The following ADGRG2 variants were observed in gnomAD, a reference collection of about 807,000 sequenced individuals.
The protein encoded by ADGRG2 is G protein-coupled receptor 64.
A neutral mutation model predicts 74.1 loss-of-function variants in ADGRG2; 26 were observed. That is an observed-to-expected ratio of 0.35 (90% CI 0.26 to 0.49). ADGRG2 has a LOEUF of 0.49. Among genes scored for constraint, ADGRG2 ranks in the 20% least tolerant of loss-of-function variants. ADGRG2 has a pLI of 0.99. For missense variants in ADGRG2, 619 were observed against 763.1 expected, an observed-to-expected ratio of 0.81 and a Z score of 2.22; for synonymous variants, 296 against 295.2, an observed-to-expected ratio of 1.00 and a Z score of -0.03.
At chrX:19,010,952 A>T (rs1478599364) in intron 16 of ADGRG2, among the ~76,000 whole-genome samples, 174 bp from the exon 17 acceptor site, 5 of 112,440 alleles carry the variant, frequency 4.4e-5, no homozygotes, top group African/African-American at 1.6e-4. Context: ...GGCCTTTTTC[A>T]TAATAGTCCC....
intron 12 of ADGRG2, among the ~76,000 whole-genome samples, 178 bp from the exon 13 acceptor site, chrX:19,023,631 A>G (rs774122385): frequency 8.9e-6 from 1 of 111,998 alleles, no homozygotes; most frequent in Admixed American, 9.5e-5. Flanking sequence ...CAGGCCATAC[A>G]ATCTCTGTGA....
intron 1 of ADGRG2, among the ~76,000 whole-genome samples, chrX:19,083,073 G>A (rs1452113443): frequency 2.7e-5 from 3 of 111,191 alleles, no homozygotes; most frequent in African/African-American, 6.5e-5. Flanking sequence ...GCATGATCTC[G>A]GCTCACTGCA....
At chrX:19,089,657 C>G (rs1415752364) in intron 1 of ADGRG2, among the ~76,000 whole-genome samples, 1 of 111,431 alleles carries the variant, frequency 9.0e-6, no homozygotes, top group Non-Finnish European at 1.9e-5. Context: ...CTTTAAGGCT[C>G]AAGCCACCAT....
chrX:19,083,336 G>A (rs1435329761), intron 1 of ADGRG2, among the ~76,000 whole-genome samples: 1 of 110,261 alleles, frequency 9.1e-6, no homozygotes, highest in Non-Finnish European at 1.9e-5. Flanking sequence ...ATGTTTTTGT[G>A]GCATGAATTA....
chrX:19,087,326 C>G lies in ADGRG2; in HGVS notation c.-46-4580G>C, dbSNP rs182615446. Among the ~76,000 whole-genome samples, 46 of 112,866 alleles carry G rather than the reference C, an allele frequency of 4.1e-4. 1 individual carries two copies. The highest frequency in any genetic ancestry group is 1.0e-3 in the African/African-American group (32 of 31,178). ...GCTCTGTACGGTTGTGCAGGTTGTG[C>G]CCTGCACAAAGGCTCACGGCCAAGG... On this transcript the variant is annotated intron_variant, in intron 1 of 28. Coordinates refer to ENST00000379869, the MANE Select transcript of ADGRG2 (RefSeq NM_001079858.3).
intron 2 of ADGRG2, among the ~76,000 whole-genome samples, chrX:19,080,371 A>G (rs750801662): frequency 2.7e-5 from 3 of 110,937 alleles, no homozygotes; most frequent in East Asian, 5.7e-4. Flanking sequence ...TCTGCCCCCA[A>G]TGCTTGCAGT....
chrX:19,086,041 T>A (rs2061930146), intron 1 of ADGRG2, among the ~76,000 whole-genome samples: 1 of 111,616 alleles, frequency 9.0e-6, no homozygotes, highest in African/African-American at 3.3e-5. Context: ...AAAGCAATGA[T>A]GCAAAAATGC....
At chrX:19,022,842 G>A (rs5909102) in intron 13 of ADGRG2, among the ~76,000 whole-genome samples, 3,341 of 111,303 alleles carry the variant, frequency 0.03, 61 homozygotes, top group Non-Finnish European at 0.047. Flanking sequence ...GATTACAAGA[G>A]CCCGCCACCA....
rs2060053755 is a variant in ADGRG2, at chrX:18,998,225, G to A, written c.2614+771C>T. Among the ~76,000 whole-genome samples the A allele has an allele frequency of 2.7e-5, 3 of 111,672 alleles. No homozygotes were observed. In the Admixed American group the frequency reaches 2.9e-4, roughly 11 times the overall value. On this transcript the variant is annotated intron_variant, in intron 26 of 28. Transcript: ENST00000379869. The stretch of plus-strand genomic sequence containing the variant: ...GTCTGTTGCCTTCCCATTTCTCATT[G>A]TCTCCAAATCGCTGACCTAGGAGGG...
chrX:19,032,393 T>G (rs2060843512), intron 8 of ADGRG2: 1 of 111,927 alleles, frequency 8.9e-6, no homozygotes, highest in African/African-American at 3.2e-5. Context: ...TATGCAAATA[T>G]AGAATTTATA....
At chrX:19,052,610 GT>G (rs2061342150) in intron 3 of ADGRG2, among the ~76,000 whole-genome samples, 2 of 107,636 alleles carry the variant, frequency 1.9e-5, no homozygotes, top group Non-Finnish European at 3.8e-5. Context: ...ATATACATAT[GT>G]TTTTATGTCT....
chrX:19,108,328 C>T lies in ADGRG2; in HGVS notation c.-47+14114G>A, dbSNP rs538211088. Among the ~76,000 whole-genome samples, 20 of 110,241 alleles carry T rather than the reference C, an allele frequency of 1.8e-4. 1 individual carries two copies. The South Asian group carries it at 7.3e-3, about 40-fold the overall frequency. ...ATGGATACAGATGTGTGAGTTATGTCCAAAGGTGGCTACTAATCCTAATTG... is the reference window on the plus strand; with the variant it reads ...ATGGATACAGATGTGTGAGTTATGTTCAAAGGTGGCTACTAATCCTAATTG... On this transcript the variant is annotated intron_variant, in intron 1 of 28. Coordinates refer to ENST00000379869, the MANE Select transcript of ADGRG2 (RefSeq NM_001079858.3).
intron 19 of ADGRG2, 50 bp downstream of exon 19, chrX:19,007,930 C>G: frequency 1.9e-6 from 2 of 1,071,981 alleles, no homozygotes; most frequent in Non-Finnish European, 2.5e-6. Flanking sequence ...AATGAAATGC[C>G]CTCATCTCCA....
At chrX:19,064,126 C>T (rs1471139603) in intron 3 of ADGRG2, among the ~76,000 whole-genome samples, 1 of 111,808 alleles carries the variant, frequency 8.9e-6, no homozygotes, top group African/African-American at 3.3e-5. Context: ...GCCAAGCACA[C>T]TCCCATGGAC....
rs756376191 is a variant in ADGRG2, at chrX:19,021,185, T to C, written c.562A>G (p.Thr188Ala). 3 of 1,001,622 alleles carry C rather than the reference T, an allele frequency of 3.0e-6. No homozygotes were observed. Among genetic ancestry groups the C allele is most frequent in the Non-Finnish European group, 4.3e-6 (3 of 705,275 alleles). The allele number at this position is 1,001,622 out of a possible 1,213,427, so 82.5% of individuals were successfully genotyped here. ...TAEAQSTLNC[T>A]FTIKLNNTMN... ...GTATTATTCAGTTTTATTGTGAATG[T>C]ACAATTTAATGTGCTGTAAGGAGAA... Residue 188 changes from threonine (T) to alanine (A), a missense_variant, in exon 14 of 29, where the codon ACA becomes GCA. Physicochemically the swap from Thr to Ala is moderately conservative, Grantham distance 58. Around this residue, in one of 3 missense-constraint regions of ADGRG2, gnomAD observed 292 missense variants for 318.0 expected, o/e 0.92. Coordinates refer to ENST00000379869, the MANE Select transcript of ADGRG2 (RefSeq NM_001079858.3).
At chrX:19,058,618 A>G (rs1296039806) in intron 3 of ADGRG2, among the ~76,000 whole-genome samples, 1 of 112,335 alleles carries the variant, frequency 8.9e-6, no homozygotes, top group South Asian at 3.6e-4. Flanking sequence ...TAAATACTAT[A>G]GCAACATTAG....
At chrX:19,100,111 T>C (rs948270380) in intron 1 of ADGRG2, among the ~76,000 whole-genome samples, 7 of 111,904 alleles carry the variant, frequency 6.3e-5, no homozygotes, top group African/African-American at 2.3e-4. Context: ...CAAGCCTCAG[T>C]TGAGTCACCT....
At position 19,067,450 on chromosome X, in the gene ADGRG2, G is replaced by A. The variant is rs182263588; in HGVS notation, c.118+1267C>T. ...GCTGGAAAACAATACCCACATGCAC[G>A]AGAGTGAAGTTGGACCGTTACCTTA... On this transcript the variant is annotated intron_variant, in intron 3 of 28. Transcript: ENST00000379869. 1.1e-4 allele frequency among the ~76,000 whole-genome samples: 12 copies of A among 112,066 alleles called. No homozygotes were observed. The East Asian group carries it at 3.4e-3, about 31-fold the overall frequency.
chrX:18,990,635 C>A lies in ADGRG2; in HGVS notation c.*229G>T. 1 of 274,693 alleles carries A rather than the reference C, an allele frequency of 3.6e-6. No homozygotes were observed. 22.6% of individuals were successfully genotyped at this position (274,693 alleles called of 1,213,427 possible). On this transcript the variant is annotated 3_prime_UTR_variant, in exon 29 of 29. Transcript: ENST00000379869. ...TCTTAGTGTATTGTTTAAAACCAAC[C>A]TTCTTATAAAATGAAAGATAAGAAA...
Sources: allele counts gnomAD v4.1 joint callset (sites outside exome capture counted in the v4.1 genomes callset), GRCh38; gene constraint gnomAD v4.1.1; regional missense constraint gnomAD v4.1.1; transcripts MANE v1.5; gene names NCBI Gene and HGNC (gene_info 2026-07-23, HGNC 2026-07-21).